COL20A1: variants seen among roughly 807,000 people sequenced by gnomAD.
The protein encoded by COL20A1 is collagen type XX alpha 1 chain.
In COL20A1, 164 loss-of-function variants were observed where a neutral mutation model predicts 152.9. The observed-to-expected ratio is 1.07, with a 90% CI of 0.94 to 1.22. The LOEUF is 1.22. Ranked by LOEUF, COL20A1 falls within the 50% of genes most tolerant of loss-of-function variation. COL20A1 has a pLI of 0.00. For synonymous variants in COL20A1, 864 were observed against 756.0 expected (o/e 1.14, Z -2.34); for missense variants, 1,873 against 1,744.8 (o/e 1.07, Z -1.31).
intron 5 of COL20A1, 129 bp from the exon 6 acceptor site, chr20:63,307,361 G>T: frequency 7.2e-6 from 6 of 830,196 alleles, no homozygotes; most frequent in Non-Finnish European, 1.1e-5. Flanking sequence ...GAGGGCCTTG[G>T]AGTCCTTTCC....
chr20:63,308,636 C>G lies in COL20A1; in HGVS notation c.870C>G (p.Gly290=), dbSNP rs767265272. 6 of 1,607,068 alleles carry G rather than the reference C, an allele frequency of 3.7e-6. No individual in the cohort carries two copies. The South Asian group carries it at 4.5e-5, about 12-fold the overall frequency. The change falls in exon 8 of 36, where the codon GGC becomes GGG. Residue 290 remains glycine, a synonymous_variant. Coordinates refer to ENST00000358894, the MANE Select transcript of COL20A1 (RefSeq NM_020882.4). ...AGGTGGTGATTCTGGTGACGGACGG[C>G]AAGTCCCAGGACGATGTGCACACTG... is the stretch of plus-strand genomic sequence containing the variant. ...AAKVVILVTD[G]KSQDDVHTAA... is the part of the protein sequence containing the mutation.
Position 63,334,077 on chromosome 20 carries a change from A to T in COL20A1, c.*3361A>T, listed in dbSNP as rs1374301208. On this transcript the variant is annotated 3_prime_UTR_variant, in exon 36 of 36. Coordinates refer to ENST00000358894, the MANE Select transcript of COL20A1 (RefSeq NM_020882.4). ...ATGGTAAGTACAGAACTCCTTGCCC[A>T]GTGGAGAAACACTCTCCTCTCATGT... 1 of 152,224 alleles carries T rather than the reference A, an allele frequency of 6.6e-6. No homozygotes were observed. Among genetic ancestry groups the T allele is most frequent in the Admixed American group, 6.5e-5 (1 of 15,286 alleles). 9.4% of individuals were successfully genotyped at this position (152,224 alleles called of 1,614,324 possible).
chr20:63,329,998 G>A (rs190141622), intron 35 of COL20A1, among the ~76,000 whole-genome samples: 2 of 152,250 alleles, frequency 1.3e-5, no homozygotes, highest in African/African-American at 2.4e-5. Flanking sequence ...CAGGGTTAGC[G>A]CAGCAGGGAG....
At chr20:63,316,356 C>T (rs1296118103) in intron 20 of COL20A1, among the ~76,000 whole-genome samples, 197 bp from the exon 21 acceptor site, 1 of 152,042 alleles carries the variant, frequency 6.6e-6, no homozygotes, top group Non-Finnish European at 1.5e-5. Flanking sequence ...GGGCGATGCC[C>T]AGCCCAGGGC....
chr20:63,311,596 G>A lies in COL20A1; in HGVS notation c.1540-29G>A, dbSNP rs1344127223. On this transcript the variant is annotated intron_variant, in intron 12 of 35. Coordinates refer to ENST00000358894, the MANE Select transcript of COL20A1 (RefSeq NM_020882.4). This position sits in a 1 kb window ranked among gnomAD's most constrained non-coding sequence, Gnocchi z 4.4. The stretch of plus-strand genomic sequence containing the variant: ...AGAGGAGTGGGGCAGAGCGAGTGGG[G>A]GCTGGCCTGGGACGTCATGTCTCTG... 4 of 1,610,558 alleles carry A rather than the reference G, an allele frequency of 2.5e-6. No individual in the cohort carries two copies. The highest frequency in any genetic ancestry group is 3.4e-6 in the Non-Finnish European group (4 of 1,179,586).
chr20:63,321,908 C>G (rs2068169523), intron 26 of COL20A1, 150 bp from the exon 27 acceptor site: 1 of 588,720 alleles, frequency 1.7e-6, no homozygotes, highest in Middle Eastern at 4.5e-4. Flanking sequence ...CTGGAAACCC[C>G]TTCTCTTCCC....
chr20:63,305,394 A>T lies in COL20A1; in HGVS notation c.194-23A>T. On this transcript the variant is annotated intron_variant, in intron 3 of 35. Coordinates refer to ENST00000358894, the MANE Select transcript of COL20A1 (RefSeq NM_020882.4). The surrounding 1 kb of genome is among the most constrained non-coding windows in gnomAD (Gnocchi z 4.9). ...ACACACGTGTGCACCTTGGCCTCTA[A>T]AGCTCTCCCCACCCCTACCCAGGGG... The T allele has an allele frequency of 6.8e-7, 1 of 1,469,486 alleles. No individual in the cohort carries two copies. The highest frequency in any genetic ancestry group is 1.8e-4 in the Middle Eastern group (1 of 5,536). 91.0% of individuals were successfully genotyped at this position (1,469,486 alleles called of 1,614,324 possible).
rs1272884678 is a variant in COL20A1, at chr20:63,326,779, G to A, written c.3484G>A (p.Gly1162Ser). Residue 1162 changes from glycine (G) to serine (S), a missense_variant, in exon 31 of 36, where the codon GGC (glycine) becomes AGC (serine). Transcript: ENST00000358894. ...GTTCCAGGGCATGGCAGGGGCCAGG[G>A]GCACTAGTGGAGAGCGAGGACCTCC... is the stretch of plus-strand genomic sequence containing the variant. The part of the protein sequence containing the change: ...RGFQGMAGAR[G>S]TSGERGPPGT... The A allele has an allele frequency of 2.0e-6, 3 of 1,493,168 alleles. No homozygotes were observed. Among genetic ancestry groups the A allele is most frequent in the Middle Eastern group, 1.8e-4 (1 of 5,714 alleles). The allele number at this position is 1,493,168 out of a possible 1,614,324, so 92.5% of individuals were successfully genotyped here. A position where few individuals can be genotyped will look rare whatever the true frequency, so the allele number is the denominator to read the frequency against.
At chr20:63,297,579 G>A (rs1386733292) in intron 2 of COL20A1, among the ~76,000 whole-genome samples, 2 of 152,218 alleles carry the variant, frequency 1.3e-5, no homozygotes, top group Non-Finnish European at 2.9e-5. Context: ...ATGGGCCTGA[G>A]CCTCTTCCTG....
At chr20:63,327,888 A>C in intron 31 of COL20A1, 64 bp from the exon 32 acceptor site, 3 of 1,513,836 alleles carry the variant, frequency 2.0e-6, no homozygotes, top group Non-Finnish European at 2.7e-6. Context: ...GGGCCATCTC[A>C]CACTTGTCAC....
chr20:63,307,253 G>A (rs566989022), intron 5 of COL20A1, among the ~76,000 whole-genome samples: 4 of 152,360 alleles, frequency 2.6e-5, no homozygotes, highest in East Asian at 1.9e-4. Flanking sequence ...GCATGCAGCC[G>A]TGGAGGGCAG....
rs1045547135 is a variant in COL20A1 at position 63,313,988 on chromosome 20, C to T, written c.2359-84C>T. On this transcript the variant is annotated intron_variant, in intron 18 of 35. Transcript: ENST00000358894. The surrounding 1 kb of genome is among the most constrained non-coding windows in gnomAD (Gnocchi z 5.9). ...GCGAAGGGTGGCAGCTCTGCCATGG[C>T]GGGACGCAGAGGGAGGCAGCTGAGC... is the stretch of plus-strand genomic sequence containing the variant. The T allele has an allele frequency of 1.8e-5, 29 of 1,600,628 alleles. No homozygotes were observed. The African/African-American group carries it at 2.4e-4, about 13-fold the overall frequency.
chr20:63,296,600 C>G (rs1056657393), intron 2 of COL20A1, among the ~76,000 whole-genome samples: 4 of 152,218 alleles, frequency 2.6e-5, no homozygotes, highest in Non-Finnish European at 4.4e-5. Context: ...GTGCCCTGCT[C>G]AGGCCCCAAC....
At chr20:63,296,153 G>T (rs1050841445) in intron 2 of COL20A1, among the ~76,000 whole-genome samples, 1 of 152,264 alleles carries the variant, frequency 6.6e-6, no homozygotes, top group African/African-American at 2.4e-5. Flanking sequence ...ATGCTGATGT[G>T]CCAGGTTTGC....
At chr20:63,309,623 GC>G in intron 9 of COL20A1, 126 bp downstream of exon 9, 1 of 1,217,742 alleles carries the variant, frequency 8.2e-7, no homozygotes, top group South Asian at 1.6e-5. Context: ...GGGGTCTGCA[GC>G]ACCCCCTTAC....
chr20:63,319,633 C>T lies in COL20A1; in HGVS notation c.2916+37C>T, dbSNP rs1211790533. On this transcript the variant is annotated intron_variant, in intron 23 of 35. Transcript: ENST00000358894. The surrounding 1 kb of genome is among the most constrained non-coding windows in gnomAD (Gnocchi z 4.4). ...GCTCGCGCCCCTCTCCCCCGTTCCC[C>T]CAGCTCTGGGGCAGCCCAGCCCCAC... The T allele has an allele frequency of 6.8e-7, 1 of 1,460,148 alleles. No individual in the cohort carries two copies. Among genetic ancestry groups the T allele is most frequent in the Non-Finnish European group, 9.4e-7 (1 of 1,066,878 alleles). 90.4% of individuals were successfully genotyped at this position (1,460,148 alleles called of 1,614,324 possible). A position where few individuals can be genotyped will look rare whatever the true frequency, so the allele number is the denominator to read the frequency against.
At position 63,307,684 on chromosome 20, in the gene COL20A1, G is replaced by C. The variant is rs375922807; in HGVS notation, c.655+36G>C. The C allele has an allele frequency of 3.1e-6, 5 of 1,595,082 alleles. 1 individual carries two copies. The African/African-American group carries it at 6.7e-5, about 21-fold the overall frequency. On this transcript the variant is annotated intron_variant, in intron 6 of 35. Transcript: ENST00000358894. ...GCCCGGCCCGCCTCCTGCCCCACCC[G>C]GGTGTGGTCCCCACAGCTCTGCCAG...
chr20:63,307,459 C>T (rs770411404), intron 5 of COL20A1, 31 bp from the exon 6 acceptor site: 4 of 1,598,372 alleles, frequency 2.5e-6, no homozygotes, highest in Middle Eastern at 3.6e-4. Flanking sequence ...ATGGGCCTCA[C>T]CTAGCACCTG....
At position 63,306,056 on chromosome 20, in the gene COL20A1, A is replaced by C. The variant is rs762568213; in HGVS notation, c.496+17A>C. 13 of 1,582,142 alleles carry C rather than the reference A, an allele frequency of 8.2e-6. No homozygotes were observed. The South Asian group carries it at 1.5e-4, about 18-fold the overall frequency. On this transcript the variant is annotated intron_variant, in intron 5 of 35. Transcript: ENST00000358894. This position sits in a 1 kb window ranked among gnomAD's most constrained non-coding sequence, Gnocchi z 6.9. ...GCACTCCTGGTGGGTCAGAGTGGAG[A>C]GAGAGTAAGTCTCCGGGGAGGGAGT...
Sources: gnomAD v4.1 joint callset for allele counts (sites outside exome capture counted in the v4.1 genomes callset) on GRCh38, gnomAD v4.1.1 for gene constraint, Gnocchi (gnomAD v3.1) non-coding constraint, MANE v1.5 for transcripts, NCBI Gene and HGNC (gene_info 2026-07-23, HGNC 2026-07-21) for gene names.